The following NRXN3 variants were observed in gnomAD, a reference collection of about 807,000 sequenced individuals.
The protein encoded by NRXN3 is neurexin 3.
In NRXN3, 32 loss-of-function variants were observed where a neutral mutation model predicts 137.6. The ratio of observed to expected loss-of-function variants is 0.23; its 90% CI spans 0.18 to 0.31. NRXN3 has a LOEUF of 0.31. Among genes scored for constraint, NRXN3 ranks in the 10% least tolerant of loss-of-function variants. The probability of loss-of-function intolerance (pLI) is 1.00; values close to 1 mark genes in which losing one functional copy is unlikely to be tolerated. For missense variants in NRXN3, 1,574 were observed against 2,062.5 expected, an observed-to-expected ratio of 0.76 and a Z score of 4.59; for synonymous variants, 798 against 784.5, an observed-to-expected ratio of 1.02 and a Z score of -0.29.
intron 15 of NRXN3, among the ~76,000 whole-genome samples, 196 bp from the exon 16 acceptor site, chr14:79,467,025 A>G (rs921759780): frequency 3.3e-5 from 5 of 152,222 alleles, no homozygotes; most frequent in African/African-American, 1.2e-4. Flanking sequence ...TTATGCATTC[A>G]TTCTGCCTGC....
intron 4 of NRXN3, among the ~76,000 whole-genome samples, chr14:78,574,274 C>A (rs569381169): frequency 5.1e-4 from 77 of 152,380 alleles, no homozygotes; most frequent in African/African-American, 1.8e-3. Flanking sequence ...TGAGCTCCCA[C>A]ACAGAGTCCC....
At chr14:79,539,163 C>A (rs964495009) in intron 16 of NRXN3, among the ~76,000 whole-genome samples, 2 of 152,020 alleles carry the variant, frequency 1.3e-5, no homozygotes, top group Non-Finnish European at 2.9e-5. Flanking sequence ...AGTAATGGTG[C>A]AATTACAGGC....
intron 1 of NRXN3, among the ~76,000 whole-genome samples, chr14:78,186,798 A>G (rs2060268666): frequency 1.3e-5 from 2 of 152,154 alleles, no homozygotes; most frequent in South Asian, 4.2e-4. Flanking sequence ...TAGTGGTGGG[A>G]ACATGATGCT....
rs545984804 is a variant in NRXN3, at chr14:78,711,862, T to C, written c.1660+2207T>C. ...AATTTTAATACAGTCTGTTAAACTT[T>C]CATTTTTTCATGAGAATGTTTTCTG... On this transcript the variant is annotated intron_variant, in intron 7 of 20. Transcript: ENST00000335750. Among the ~76,000 whole-genome samples, 60 of 152,346 alleles carry C rather than the reference T, an allele frequency of 3.9e-4. No homozygotes were observed. The Middle Eastern group carries it at 0.01, about 26-fold the overall frequency.
At chr14:79,388,578 G>A (rs2094725339) in intron 15 of NRXN3, among the ~76,000 whole-genome samples, 1 of 151,918 alleles carries the variant, frequency 6.6e-6, no homozygotes, top group African/African-American at 2.4e-5. Flanking sequence ...GGCACATAAT[G>A]ACAAAGCATG....
intron 19 of NRXN3, among the ~76,000 whole-genome samples, chr14:79,781,052 TTA>T (rs200507232): frequency 9.5e-4 from 125 of 131,450 alleles, no homozygotes; most frequent in Admixed American, 2.6e-3. Flanking sequence ...ATTTTTTTTT[TTA>T]AATAATTAAC....
rs539338059 is a variant in NRXN3 at position 79,457,879 on chromosome 14, C to T, written c.3263-9342C>T. On this transcript the variant is annotated intron_variant, in intron 15 of 20. Transcript: ENST00000335750. ...GGAAAAGAAGACAAATGTGTATGTT[C>T]CAAACTTCTCCTTTCCTCTAATCAT... is the stretch of plus-strand genomic sequence containing the variant. 6.2e-4 allele frequency among the ~76,000 whole-genome samples: 95 copies of T among 152,212 alleles called. 2 individuals are homozygous for T. The Middle Eastern group carries it at 0.02, about 33-fold the overall frequency.
At chr14:79,653,791 C>A (rs2098489544) in intron 16 of NRXN3, among the ~76,000 whole-genome samples, 1 of 152,082 alleles carries the variant, frequency 6.6e-6, no homozygotes, top group African/African-American at 2.4e-5. Flanking sequence ...TATGCCTGAG[C>A]CTAGTGAGAG....
intron 4 of NRXN3, among the ~76,000 whole-genome samples, chr14:78,396,160 C>G (rs1249737910): frequency 2.1e-5 from 3 of 145,368 alleles, no homozygotes; most frequent in Non-Finnish European, 4.7e-5. Context: ...AGTGATTGCT[C>G]TAGGTATTAC....
chr14:78,628,260 A>G (rs1601589216), intron 4 of NRXN3, among the ~76,000 whole-genome samples: 1 of 151,910 alleles, frequency 6.6e-6, no homozygotes, highest in African/African-American at 2.4e-5. Flanking sequence ...TTTTGTAGAG[A>G]TAGGGTCTCT....
intron 11 of NRXN3, among the ~76,000 whole-genome samples, chr14:78,964,643 T>C (rs2099414088): frequency 6.6e-6 from 1 of 152,194 alleles, no homozygotes; most frequent in Non-Finnish European, 1.5e-5. Flanking sequence ...GAAGAAAGAA[T>C]TCCCCCTCTA....
intron 15 of NRXN3, among the ~76,000 whole-genome samples, chr14:79,287,633 C>A (rs1273444188): frequency 6.6e-6 from 1 of 152,092 alleles, no homozygotes; most frequent in Admixed American, 6.5e-5. Flanking sequence ...CAGATAGGAG[C>A]ACAATATTAT....
intron 4 of NRXN3, among the ~76,000 whole-genome samples, chr14:78,328,114 C>T (rs58493810): frequency 0.05 from 7,551 of 152,192 alleles, 627 homozygotes; most frequent in African/African-American, 0.17. Flanking sequence ...ACAAAGCCGA[C>T]ACACAGGGGA....
intron 4 of NRXN3, among the ~76,000 whole-genome samples, chr14:78,385,250 AT>A (rs1295610548): frequency 3.3e-5 from 5 of 150,786 alleles, no homozygotes; most frequent in Non-Finnish European, 5.9e-5. Context: ...GCAATTTTGA[AT>A]TTTTTTTTAA....
intron 15 of NRXN3, among the ~76,000 whole-genome samples, chr14:79,037,716 G>A (rs1382762784): frequency 1.3e-5 from 2 of 149,802 alleles, no homozygotes; most frequent in Non-Finnish European, 1.5e-5. Context: ...TTGGAGCTGA[G>A]CTAAGAGCCA....
chr14:79,818,054 T>TG (rs1236282159), intron 20 of NRXN3, among the ~76,000 whole-genome samples: 9 of 138,516 alleles, frequency 6.5e-5, no homozygotes, highest in Non-Finnish European at 1.1e-4. Flanking sequence ...GGGTTTTTTT[T>TG]TTTTTTTTTT....
chr14:79,673,892 A>G (rs2098626326), intron 17 of NRXN3, among the ~76,000 whole-genome samples: 1 of 152,088 alleles, frequency 6.6e-6, no homozygotes, highest in African/African-American at 2.4e-5. Flanking sequence ...CATTTCACAA[A>G]TGAGAATCTG....
chr14:79,233,464 C>T (rs1210388301), intron 15 of NRXN3, among the ~76,000 whole-genome samples: 5 of 152,094 alleles, frequency 3.3e-5, no homozygotes, highest in Non-Finnish European at 5.9e-5. Flanking sequence ...CCTTCTTGTA[C>T]AGGTCTTTAT....
At chr14:79,170,603 C>T (rs537868312) in intron 15 of NRXN3, among the ~76,000 whole-genome samples, 1 of 152,172 alleles carries the variant, frequency 6.6e-6, no homozygotes, top group African/African-American at 2.4e-5. Context: ...AGGGAAAATA[C>T]ATCTCTACTT....
Sources: allele counts gnomAD v4.1 joint callset (sites outside exome capture counted in the v4.1 genomes callset), GRCh38; gene constraint gnomAD v4.1.1; transcripts MANE v1.5; gene names NCBI Gene and HGNC (gene_info 2026-07-23, HGNC 2026-07-21).